MED20: variants seen among roughly 807,000 people sequenced by gnomAD.
The protein encoded by MED20 is mediator of RNA polymerase II transcription subunit 20.
A neutral mutation model predicts 19.7 loss-of-function variants in MED20; 19 were observed. That is an observed-to-expected ratio of 0.96 (90% CI 0.67 to 1.42). The LOEUF (loss-of-function observed/expected upper bound fraction) is 1.42. Ranked by LOEUF, MED20 falls within the 40% of genes most tolerant of loss-of-function variation. MED20 has a pLI of 0.00. For missense variants in MED20, 225 were observed against 273.0 expected, an observed-to-expected ratio of 0.82 and a Z score of 1.24; for synonymous variants, 105 against 104.8, an observed-to-expected ratio of 1.00 and a Z score of -0.01.
intron 1 of MED20, 95 bp downstream of exon 1, chr6:41,920,910 C>G: frequency 6.6e-7 from 1 of 1,510,480 alleles, no homozygotes; most frequent in Non-Finnish European, 8.9e-7. Flanking sequence ...GGACATCTCC[C>G]TCAGCTCCCA....
rs1322167850 is a variant in MED20 at position 41,905,999 on chromosome 6, A to C, written c.*1073T>G. 1 of 152,252 alleles carries C rather than the reference A, an allele frequency of 6.6e-6. No individual in the cohort carries two copies. Among genetic ancestry groups the C allele is most frequent in the Non-Finnish European group, 1.5e-5 (1 of 68,046 alleles). The allele number at this position is 152,252 out of a possible 1,614,324, so 9.4% of individuals were successfully genotyped here. A position where few individuals can be genotyped will look rare whatever the true frequency, so the allele number is the denominator to read the frequency against. On this transcript the variant is annotated 3_prime_UTR_variant, in exon 4 of 4. Transcript: ENST00000265350. ...TTTAGTTACAGGAGGTATTAACTGCAAAATAACAGCCAAAAGCATTCCTGG... is the reference window on the plus strand; with the variant it reads ...TTTAGTTACAGGAGGTATTAACTGCCAAATAACAGCCAAAAGCATTCCTGG...
Position 41,909,392 on chromosome 6 carries a change from G to C in MED20, c.300C>G (p.Gly100=). The change falls in exon 3 of 4, where the codon GGC becomes GGG. Residue 100 remains glycine (G), a synonymous_variant. Transcript: ENST00000265350. ...NFDVLMVKLK[G]FFQSAKASKI... The stretch of plus-strand genomic sequence containing the variant: ...TGCTGGCCTTAGCACTCTGGAAAAA[G>C]CCCTTGAGCTTCACCATAAGCACAT... 6.2e-7 allele frequency: 1 copy of C among 1,614,172 alleles called. No individual in the cohort carries two copies. The highest frequency in any genetic ancestry group is 1.1e-5 in the South Asian group (1 of 91,082).
intron 2 of MED20, among the ~76,000 whole-genome samples, chr6:41,915,025 C>G (rs1775280079): frequency 6.6e-6 from 1 of 152,228 alleles, no homozygotes; most frequent in South Asian, 2.1e-4. Flanking sequence ...AATCAGTAAA[C>G]AGGGCCAGGA....
At chr6:41,919,702 G>A (rs1413760509) in intron 1 of MED20, among the ~76,000 whole-genome samples, 1 of 152,110 alleles carries the variant, frequency 6.6e-6, no homozygotes, top group African/African-American at 2.4e-5. Flanking sequence ...GACCAAAGCA[G>A]GAGGCTCGCT....
Position 41,913,321 on chromosome 6 carries a change from C to T in MED20, c.169+3464G>A, listed in dbSNP as rs1305447409. ...AGCTCCAATCCAGGCATGCTCACCC[C>T]AAGTTTATTGCTCTTTCCTGCCTGC... On this transcript the variant is annotated intron_variant, in intron 2 of 3. Coordinates refer to ENST00000265350, the MANE Select transcript of MED20 (RefSeq NM_004275.5). 2.6e-5 allele frequency among the ~76,000 whole-genome samples: 4 copies of T among 152,112 alleles called. No individual in the cohort carries two copies. The East Asian group carries it at 5.8e-4, about 22-fold the overall frequency.
chr6:41,909,560 T>A (rs1194856588), intron 2 of MED20, 38 bp from the exon 3 acceptor site: 1 of 1,604,096 alleles, frequency 6.2e-7, no homozygotes, highest in Non-Finnish European at 8.5e-7. Flanking sequence ...ATCAAGACTT[T>A]CACTGGCAAA....
rs906276059 is a variant in MED20 at position 41,906,328 on chromosome 6, A to G, written c.*744T>C. The G allele has an allele frequency of 6.6e-6, 1 of 152,222 alleles. No individual in the cohort carries two copies. The highest frequency in any genetic ancestry group is 1.5e-5 in the Non-Finnish European group (1 of 68,058). 9.4% of individuals were successfully genotyped at this position (152,222 alleles called of 1,614,324 possible). ...AAGAAAACATACTGGGAATGGCTGAATAAGACAGAAGGAAACAAAGTTCCT... is the reference window on the plus strand; with the variant it reads ...AAGAAAACATACTGGGAATGGCTGAGTAAGACAGAAGGAAACAAAGTTCCT... On this transcript the variant is annotated 3_prime_UTR_variant, in exon 4 of 4. Coordinates refer to ENST00000265350, the MANE Select transcript of MED20 (RefSeq NM_004275.5).
chr6:41,909,043 C>T, intron 3 of MED20: 6 of 524,464 alleles, frequency 1.1e-5, no homozygotes, highest in South Asian at 7.6e-5. Flanking sequence ...AAATTTAATT[C>T]GGTGGGTGTA....
At position 41,905,607 on chromosome 6, in the gene MED20, G is replaced by A. The variant is rs1352765931; in HGVS notation, c.*1465C>T. ...TTCTCTTTAGATGCCTTCAAATAAG[G>A]GACAGTATCCTTGATGACAATACAG... On this transcript the variant is annotated 3_prime_UTR_variant, in exon 4 of 4. Coordinates refer to ENST00000265350, the MANE Select transcript of MED20 (RefSeq NM_004275.5). 6.6e-6 allele frequency: 1 copy of A among 152,116 alleles called. No homozygotes were observed. Among genetic ancestry groups the A allele is most frequent in the Non-Finnish European group, 1.5e-5 (1 of 68,036 alleles). 9.4% of individuals were successfully genotyped at this position (152,116 alleles called of 1,614,324 possible).
intron 2 of MED20, among the ~76,000 whole-genome samples, chr6:41,909,951 T>C (rs563752361): frequency 1.3e-5 from 2 of 152,272 alleles, no homozygotes; most frequent in East Asian, 1.9e-4. Flanking sequence ...TGCTCCCTTC[T>C]TCTGCACACT....
chr6:41,914,393 A>C (rs574541055), intron 2 of MED20, among the ~76,000 whole-genome samples: 1 of 152,304 alleles, frequency 6.6e-6, no homozygotes, highest in South Asian at 2.1e-4. Context: ...TACAGCTTAC[A>C]GGGAAAGTGC....
At chr6:41,915,648 G>A (rs112085091) in intron 2 of MED20, among the ~76,000 whole-genome samples, 1,539 of 152,272 alleles carry the variant, frequency 0.01, 39 homozygotes, top group African/African-American at 0.036. Flanking sequence ...TTAGCCCAGC[G>A]TAGTGGCAGG....
Position 41,909,359 on chromosome 6 carries a change from C to A in MED20, c.333G>T (p.Glu111Asp). Residue 111 changes from glutamate to aspartate, a missense_variant, in exon 3 of 4, where the codon GAG becomes GAT. Coordinates refer to ENST00000265350, the MANE Select transcript of MED20 (RefSeq NM_004275.5). ...FFQSAKASKIETRGTRYQYCD... is the reference protein window; with the variant it reads ...FFQSAKASKIDTRGTRYQYCD... Reference sequence around the variant, plus strand: ...AGTACTGGTACCTGGTGCCCCGGGTCTCAATCTTGCTGGCCTTAGCACTCT... The same window carrying A: ...AGTACTGGTACCTGGTGCCCCGGGTATCAATCTTGCTGGCCTTAGCACTCT... 1 of 1,614,182 alleles carries A rather than the reference C, an allele frequency of 6.2e-7. No individual in the cohort carries two copies. The highest frequency in any genetic ancestry group is 8.5e-7 in the Non-Finnish European group (1 of 1,180,038).
intron 2 of MED20, among the ~76,000 whole-genome samples, chr6:41,911,209 G>T (rs1000205243): frequency 2.0e-5 from 3 of 149,744 alleles, no homozygotes; most frequent in Non-Finnish European, 4.4e-5. Flanking sequence ...GTAGTGCAAT[G>T]GTGCAATCTT....
chr6:41,914,619 A>C (rs1775269694), intron 2 of MED20, among the ~76,000 whole-genome samples: 2 of 139,982 alleles, frequency 1.4e-5, no homozygotes, highest in African/African-American at 5.5e-5. Context: ...TCATATCCAA[A>C]GAGTCTCTCT....
Position 41,909,350 on chromosome 6 carries a change from GC to G in MED20, c.341del (p.Gly114AlafsTer11), listed in dbSNP as rs895293055. On this transcript the variant is annotated frameshift_variant, in exon 3 of 4. Coordinates refer to ENST00000265350, the MANE Select transcript of MED20 (RefSeq NM_004275.5). LOFTEE classifies it high-confidence loss of function. ...SAKASKIETR[G>X]TRYQYCDFLV... ...GGAAGTCACAGTACTGGTACCTGGTGCCCCGGGTCTCAATCTTGCTGGCCTT... is the reference window on the plus strand; with the variant it reads ...GGAAGTCACAGTACTGGTACCTGGTGCCCGGGTCTCAATCTTGCTGGCCTT... The G allele has an allele frequency of 6.2e-7, 1 of 1,614,024 alleles. No individual in the cohort carries two copies. Among genetic ancestry groups the G allele is most frequent in the Non-Finnish European group, 8.5e-7 (1 of 1,180,044 alleles).
At chr6:41,909,552 C>T in intron 2 of MED20, 30 bp from the exon 3 acceptor site, 3 of 1,606,276 alleles carry the variant, frequency 1.9e-6, no homozygotes, top group Non-Finnish European at 2.6e-6. Context: ...TATTCATCAT[C>T]AAGACTTTCA....
chr6:41,917,772 C>T (rs75472244), intron 1 of MED20: 4,808 of 471,294 alleles, frequency 0.01, 91 homozygotes, highest in African/African-American at 0.055. Flanking sequence ...GAAAAGTCTC[C>T]GTTTGGGTTA....
intron 2 of MED20, among the ~76,000 whole-genome samples, chr6:41,911,603 A>G (rs1017883873): frequency 6.6e-6 from 1 of 152,226 alleles, no homozygotes; most frequent in African/African-American, 2.4e-5. Flanking sequence ...TTTGAACTGC[A>G]ATATGAAGAG....
Sources: gnomAD v4.1 joint callset for allele counts (sites outside exome capture counted in the v4.1 genomes callset) on GRCh38, gnomAD v4.1.1 for gene constraint, MANE v1.5 for transcripts, NCBI Gene and HGNC (gene_info 2026-07-23, HGNC 2026-07-21) for gene names.